Variants in SLC7A7 observed in about 807,000 individuals in gnomAD.
The protein encoded by SLC7A7 is Y+L amino acid transporter 1.
SLC7A7 carries 39 observed loss-of-function variants against 47.9 expected under a neutral mutation model. The ratio of observed to expected loss-of-function variants is 0.81; its 90% CI spans 0.63 to 1.06. The LOEUF (loss-of-function observed/expected upper bound fraction) is 1.06, where lower values mean the gene tolerates loss of function less well. Ranked by LOEUF, SLC7A7 falls within the 50% of genes least tolerant of loss-of-function variation. The pLI, the probability that SLC7A7 is intolerant of heterozygous loss-of-function variation, is 0.00. For missense variants in SLC7A7, 588 were observed against 632.0 expected (o/e 0.93, Z 0.75); for synonymous variants, 234 against 242.8 (o/e 0.96, Z 0.34).
intron 3 of SLC7A7, among the ~76,000 whole-genome samples, chr14:22,779,321 C>A (rs543240300): frequency 6.6e-6 from 1 of 152,208 alleles, no homozygotes; most frequent in African/African-American, 2.4e-5. Context: ...GGCTGTCAAC[C>A]CTTTGCCAAG....
rs113285148 is a variant in SLC7A7 at position 22,792,867 on chromosome 14, AAGAG to A, written c.500-12820_500-12817del. 6.4e-3 allele frequency among the ~76,000 whole-genome samples: 779 copies of A among 122,520 alleles called. 16 individuals carry two copies. Among genetic ancestry groups the A allele is most frequent in the South Asian group, 0.023 (79 of 3,432 alleles). The allele number at this position is 122,520 out of a possible 152,430, so 80.4% of individuals were successfully genotyped here. A position where few individuals can be genotyped will look rare whatever the true frequency, so the allele number is the denominator to read the frequency against. On this transcript the variant is annotated intron_variant, in intron 2 of 9. Coordinates refer to ENST00000674313, the MANE Select transcript of SLC7A7 (RefSeq NM_003982.4). ...TGTGAGGCCCCGTCTCAAAGAAAGAAAGAGAGAGAGAGAGAGAGAGAGAGAGAGA... is the reference window on the plus strand; with the variant it reads ...TGTGAGGCCCCGTCTCAAAGAAAGAAAGAGAGAGAGAGAGAGAGAGAGAGA...
chr14:22,773,998 G>A lies in SLC7A7; in HGVS notation c.1364C>T (p.Pro455Leu). Residue 455 changes from proline (P) to leucine (L), a missense_variant, in exon 9 of 10, where the codon CCC becomes CTC. Transcript: ENST00000674313. ...CACTCTGATGATGAGGAAGTAAAAG[G>A]GCAGGCCTGAGAGGGCAATGGCAAT... is the stretch of plus-strand genomic sequence containing the variant. ...IGIAIALSGL[P>L]FYFLIIRVPE... is the part of the protein sequence containing the mutation. The A allele has an allele frequency of 1.9e-6, 3 of 1,614,192 alleles. No individual in the cohort carries two copies. Among genetic ancestry groups the A allele is most frequent in the Non-Finnish European group, 2.5e-6 (3 of 1,180,048 alleles).
At chr14:22,779,204 T>C (rs1191202080) in intron 3 of SLC7A7, among the ~76,000 whole-genome samples, 1 of 152,200 alleles carries the variant, frequency 6.6e-6, no homozygotes, top group Non-Finnish European at 1.5e-5. Context: ...GAAACCACCA[T>C]AGAGCAGAAA....
At chr14:22,806,045 G>A (rs1433453766) in intron 2 of SLC7A7, among the ~76,000 whole-genome samples, 2 of 147,392 alleles carry the variant, frequency 1.4e-5, no homozygotes, top group Non-Finnish European at 3.0e-5. Flanking sequence ...GGAGGCTGAG[G>A]CAGGAGAATC....
chr14:22,789,627 C>CAAAAAAAA (rs71115580), intron 2 of SLC7A7, among the ~76,000 whole-genome samples: 2 of 112,578 alleles, frequency 1.8e-5, no homozygotes, highest in Non-Finnish European at 1.8e-5. Flanking sequence ...GACTCTGGCT[C>CAAAAAAAA]AAAAAAAAAA....
upstream of SLC7A7, among the ~76,000 whole-genome samples, chr14:22,818,577 T>C (rs1019910050): frequency 1.6e-5 from 1 of 61,452 alleles, no homozygotes; most frequent in Non-Finnish European, 3.5e-5. Flanking sequence ...CTACCCCAGG[T>C]TTTTGGTTTT....
intron 2 of SLC7A7, among the ~76,000 whole-genome samples, chr14:22,812,162 T>A (rs1412021206): frequency 1.4e-5 from 1 of 69,232 alleles, no homozygotes; most frequent in East Asian, 5.4e-4. Context: ...CTACACCTCT[T>A]TTTTTTTTAT....
intron 2 of SLC7A7, among the ~76,000 whole-genome samples, chr14:22,803,855 G>A (rs1009569102): frequency 1.3e-5 from 2 of 152,090 alleles, no homozygotes; most frequent in African/African-American, 2.4e-5. Context: ...TGTCTACCTC[G>A]CTTCCCACCA....
At chr14:22,795,151 G>A (rs2038990402) in intron 2 of SLC7A7, among the ~76,000 whole-genome samples, 1 of 142,698 alleles carries the variant, frequency 7.0e-6, no homozygotes, top group African/African-American at 2.6e-5. Context: ...CACAATCTTG[G>A]CTCACTGCAG....
At chr14:22,818,024 C>CAAAAAAAAAAAAA (rs775030790), upstream of SLC7A7, among the ~76,000 whole-genome samples, 1 of 139,326 alleles carries the variant, frequency 7.2e-6, no homozygotes, top group African/African-American at 2.6e-5. Flanking sequence ...CTAAAGCAAA[C>CAAAAAAAAAAAAA]AAAAAAAAAA....
In SLC7A7 at chr14:22,812,974, T is replaced by C. The variant is rs2039339659; in HGVS notation, c.425A>G (p.Tyr142Cys). 1.2e-6 allele frequency: 2 copies of C among 1,613,636 alleles called. No individual in the cohort carries two copies. Among genetic ancestry groups the C allele is most frequent in the Non-Finnish European group, 1.7e-6 (2 of 1,179,974 alleles). Reference sequence around the variant, plus strand: ...GCTCGGGAAGAGAGGCTGTACCATGTAGTTGGCAAAGGTGATGGCAATGAT... The same window carrying C: ...GCTCGGGAAGAGAGGCTGTACCATGCAGTTGGCAAAGGTGATGGCAATGAT... ...QAIIAITFAN[Y>C]MVQPLFPSCF... is the part of the protein sequence containing the mutation. Residue 142 changes from tyrosine (Y) to cysteine (C), a missense_variant, in exon 2 of 10, where the codon TAC (tyrosine) becomes TGC (cysteine). Coordinates refer to ENST00000674313, the MANE Select transcript of SLC7A7 (RefSeq NM_003982.4).
chr14:22,788,085 A>T (rs1159220927), intron 2 of SLC7A7, among the ~76,000 whole-genome samples: 1 of 152,158 alleles, frequency 6.6e-6, no homozygotes, highest in Non-Finnish European at 1.5e-5. Flanking sequence ...AAAAAAAAAA[A>T]TTAAAATGTT....
At position 22,779,968 on chromosome 14, in the gene SLC7A7, G is replaced by A. The variant is rs775643218; in HGVS notation, c.583C>T (p.Leu195=). ...ATGCCTGCAACGATGACCGCGATCA[G>A]TGCCAATACTTTAGCATAGGTGAAA... ...DIFTYAKVLA[L]IAVIVAGIVR... is the part of the protein sequence containing the mutation. The change falls in exon 3 of 10, where the codon CTG becomes TTG. Residue 195 remains leucine (L), a synonymous_variant. Coordinates refer to ENST00000674313, the MANE Select transcript of SLC7A7 (RefSeq NM_003982.4). The A allele has an allele frequency of 8.1e-6, 13 of 1,614,042 alleles. No individual in the cohort carries two copies. Among genetic ancestry groups the A allele is most frequent in the Admixed American group, 3.3e-5 (2 of 60,004 alleles).
rs558510065 is a variant in SLC7A7 at position 22,809,971 on chromosome 14, G to A, written c.499+2929C>T. Among the ~76,000 whole-genome samples the A allele has an allele frequency of 5.5e-5, 8 of 146,072 alleles. No homozygotes were observed. In the East Asian group the frequency reaches 6.2e-4, roughly 11 times the overall value. ...AGAGAATCGCTGGAACTCGGGAGGC[G>A]GAGGTTGCAGTGAGCTGAGATCGCA... is the stretch of plus-strand genomic sequence containing the variant. On this transcript the variant is annotated intron_variant, in intron 2 of 9. Transcript: ENST00000674313.
chr14:22,774,325 G>A lies in SLC7A7; in HGVS notation c.1245+29C>T, dbSNP rs749005805. The A allele has an allele frequency of 3.3e-5, 53 of 1,613,908 alleles. No individual in the cohort carries two copies. In the South Asian group the frequency reaches 5.3e-4, roughly 16 times the overall value. ...AGCAACAACTCCAGCTGTTTCAGGT[G>A]GAGCAGAGGTAGGATGGAGTTGCCT... On this transcript the variant is annotated intron_variant, in intron 8 of 9. Coordinates refer to ENST00000674313, the MANE Select transcript of SLC7A7 (RefSeq NM_003982.4).
chr14:22,787,187 G>C lies in SLC7A7; in HGVS notation c.500-7136C>G, dbSNP rs140586416. On this transcript the variant is annotated intron_variant, in intron 2 of 9. Transcript: ENST00000674313. ...GCAGTGGCTCACGCCTGTAATACCA[G>C]TACTTTGGGAGACCGAGGAGGGAGG... is the stretch of plus-strand genomic sequence containing the variant. Among the ~76,000 whole-genome samples the C allele has an allele frequency of 8.2e-3, 1,238 of 151,596 alleles. 26 individuals carry two copies. The highest frequency in any genetic ancestry group is 0.028 in the African/African-American group (1,165 of 41,220).
chr14:22,782,742 G>A (rs1263647856), intron 2 of SLC7A7, among the ~76,000 whole-genome samples: 1 of 151,410 alleles, frequency 6.6e-6, no homozygotes, highest in Non-Finnish European at 1.5e-5. Flanking sequence ...GATTACAGGC[G>A]TGAGCCACCA....
At position 22,788,577 on chromosome 14, in the gene SLC7A7, A is replaced by G. The variant is rs776216051; in HGVS notation, c.500-8526T>C. Among the ~76,000 whole-genome samples, 295 of 149,702 alleles carry G rather than the reference A, an allele frequency of 2.0e-3. 1 individual carries two copies. Among genetic ancestry groups the G allele is most frequent in the Admixed American group, 3.9e-3 (59 of 15,146 alleles). On this transcript the variant is annotated intron_variant, in intron 2 of 9. Transcript: ENST00000674313. ...AAATTAGCTGGGCGTGGTGGCGGGC[A>G]CCTGTCATCCCAGCTACTCAGGAGG... is the stretch of plus-strand genomic sequence containing the variant.
chr14:22,812,176 T>C (rs1156402070), intron 2 of SLC7A7, among the ~76,000 whole-genome samples: 4 of 152,006 alleles, frequency 2.6e-5, no homozygotes, highest in African/African-American at 9.7e-5. Context: ...TTTTTATTTT[T>C]ATTTTTTTGA....
Sources: gnomAD v4.1 joint callset for allele counts (sites outside exome capture counted in the v4.1 genomes callset) on GRCh38, gnomAD v4.1.1 for gene constraint, MANE v1.5 for transcripts, NCBI Gene and HGNC (gene_info 2026-07-23, HGNC 2026-07-21) for gene names.